The following HTR2C variants were observed in gnomAD, a reference collection of about 807,000 sequenced individuals.
The protein encoded by HTR2C is 5-hydroxytryptamine (serotonin) receptor 2C, G protein-coupled.
Under a neutral mutation model 21.0 loss-of-function variants are expected in HTR2C, and 5 were observed. The observed-to-expected ratio is 0.24, with a 90% CI of 0.12 to 0.50. HTR2C has a LOEUF of 0.50. Among genes scored for constraint, HTR2C ranks in the 20% least tolerant of loss-of-function variants. The pLI is 0.98. For synonymous variants in HTR2C, 150 were observed against 145.3 expected, an observed-to-expected ratio of 1.03 and a Z score of -0.23; for missense variants, 271 against 371.2, an observed-to-expected ratio of 0.73 and a Z score of 2.22.
In HTR2C at chrX:114,705,335, A is replaced by G. The variant is rs1465167678; in HGVS notation, c.-79-21523A>G. ...CTACAAGGCTACAGTAACCAAAACA[A>G]CATGGTACTGGCACCAAAACAGAGA... On this transcript the variant is annotated intron_variant, in intron 2 of 5. Transcript: ENST00000276198. Among the ~76,000 whole-genome samples the G allele has an allele frequency of 9.9e-5, 11 of 111,464 alleles. No individual in the cohort carries two copies. The East Asian group carries it at 1.1e-3, about 11-fold the overall frequency.
intron 2 of HTR2C, among the ~76,000 whole-genome samples, chrX:114,709,984 G>A (rs919530489): frequency 1.8e-5 from 2 of 111,512 alleles, no homozygotes; most frequent in African/African-American, 3.3e-5. Context: ...GTGACTCTTC[G>A]GGCTTTTTGC....
intron 4 of HTR2C, among the ~76,000 whole-genome samples, chrX:114,777,878 T>G (rs1301487039): frequency 8.9e-6 from 1 of 112,030 alleles, no homozygotes; most frequent in Non-Finnish European, 1.9e-5. Context: ...ATTCAGTGAC[T>G]CTGACTAATG....
chrX:114,588,312 T>G (rs782100914), intron 1 of HTR2C, among the ~76,000 whole-genome samples: 3 of 112,113 alleles, frequency 2.7e-5, no homozygotes, highest in Middle Eastern at 4.6e-3. Flanking sequence ...CTCTTTCATC[T>G]TAGTCACTGT....
intron 2 of HTR2C, among the ~76,000 whole-genome samples, chrX:114,671,088 A>G (rs1403597664): frequency 2.7e-5 from 3 of 111,986 alleles, no homozygotes; most frequent in African/African-American, 9.7e-5. Flanking sequence ...TTTAATTAAT[A>G]TATATCTAAT....
At chrX:114,722,316 G>A (rs1245216252) in intron 2 of HTR2C, among the ~76,000 whole-genome samples, 1 of 111,160 alleles carries the variant, frequency 9.0e-6, no homozygotes, top group African/African-American at 3.3e-5. Flanking sequence ...TTGGCTCTCT[G>A]TCTGTTATTG....
intron 4 of HTR2C, among the ~76,000 whole-genome samples, chrX:114,839,687 A>AAAAAC (rs368109180): frequency 0.039 from 4,240 of 108,785 alleles, 197 homozygotes; most frequent in African/African-American, 0.11. Context: ...ATCCTGTCTC[A>AAAAAC]AAAACAAAAC....
At chrX:114,661,171 T>C (rs782001576) in intron 2 of HTR2C, among the ~76,000 whole-genome samples, 50 of 111,450 alleles carry the variant, frequency 4.5e-4, no homozygotes, top group Non-Finnish European at 7.2e-4. Flanking sequence ...AGTGGAAAAG[T>C]TGGCCGGGCG....
chrX:114,862,654 C>T (rs2147502679), intron 5 of HTR2C, among the ~76,000 whole-genome samples: 2 of 110,344 alleles, frequency 1.8e-5, no homozygotes, highest in East Asian at 5.7e-4. Context: ...AATAGTTGTA[C>T]ATATTTTGTC....
intron 4 of HTR2C, among the ~76,000 whole-genome samples, chrX:114,834,226 G>A (rs1452137223): frequency 9.1e-6 from 1 of 110,482 alleles, no homozygotes; most frequent in Non-Finnish European, 1.9e-5. Context: ...TCCGCTTGAT[G>A]CAAGGCTGAG....
At chrX:114,887,873 G>A (rs1556481983) in intron 5 of HTR2C, among the ~76,000 whole-genome samples, 1 of 110,659 alleles carries the variant, frequency 9.0e-6, no homozygotes, top group Admixed American at 9.6e-5. Flanking sequence ...AATTAGCTGG[G>A]TGTACTGGCG....
intron 4 of HTR2C, among the ~76,000 whole-genome samples, chrX:114,799,262 T>C (rs192090742): frequency 9.0e-6 from 1 of 111,117 alleles, no homozygotes; most frequent in African/African-American, 3.3e-5. Flanking sequence ...GTTCAATATG[T>C]TCTCTTAAGA....
At chrX:114,836,362 C>T (rs1174104349) in intron 4 of HTR2C, among the ~76,000 whole-genome samples, 1 of 112,552 alleles carries the variant, frequency 8.9e-6, no homozygotes, top group African/African-American at 3.2e-5. Flanking sequence ...AGCGAGACTC[C>T]GTGGGCGTAG....
chrX:114,908,275 A>G lies in HTR2C; in HGVS notation c.*860A>G, dbSNP rs201857432. ...ATTTCCCAACCCAGGATTCAACATC[A>G]ATTGGGTTTTGATCTCAGCATCCTG... On this transcript the variant is annotated 3_prime_UTR_variant, in exon 6 of 6. Coordinates refer to ENST00000276198, the MANE Select transcript of HTR2C (RefSeq NM_000868.4). The G allele has an allele frequency of 8.9e-6, 1 of 112,503 alleles. No individual in the cohort carries two copies. Among genetic ancestry groups the G allele is most frequent in the Non-Finnish European group, 1.9e-5 (1 of 53,203 alleles). The allele number at this position is 112,503 out of a possible 1,213,427, so 9.3% of individuals were successfully genotyped here. A position where few individuals can be genotyped will look rare whatever the true frequency, so the allele number is the denominator to read the frequency against.
At chrX:114,706,423 T>G (rs1224714730) in intron 2 of HTR2C, among the ~76,000 whole-genome samples, 2 of 81,318 alleles carry the variant, frequency 2.5e-5, no homozygotes, top group Admixed American at 3.2e-4. Context: ...ATGGATGAAA[T>G]TGGAAATCAT....
chrX:114,901,015 T>C (rs782629937), intron 5 of HTR2C, among the ~76,000 whole-genome samples: 65 of 112,494 alleles, frequency 5.8e-4, no homozygotes, highest in Non-Finnish European at 1.1e-3. Context: ...GTAGTTTTGA[T>C]CTTTCCAGAA....
At chrX:114,773,914 T>C (rs1341301297) in intron 4 of HTR2C, among the ~76,000 whole-genome samples, 1 of 107,019 alleles carries the variant, frequency 9.3e-6, no homozygotes. Context: ...CTCCATCATC[T>C]TTAACACTTT....
At chrX:114,807,558 A>G (rs1362023413) in intron 4 of HTR2C, among the ~76,000 whole-genome samples, 1 of 107,377 alleles carries the variant, frequency 9.3e-6, no homozygotes, top group Non-Finnish European at 1.9e-5. Context: ...ATATTTTGAT[A>G]CAGACATACA....
At chrX:114,852,359 CT>C (rs2070925361) in intron 5 of HTR2C, among the ~76,000 whole-genome samples, 1 of 109,029 alleles carries the variant, frequency 9.2e-6, no homozygotes, top group African/African-American at 3.3e-5. Context: ...AGTTCCTCTT[CT>C]ATTCCGTGGT....
At chrX:114,813,386 T>A (rs1398528604) in intron 4 of HTR2C, among the ~76,000 whole-genome samples, 2 of 111,942 alleles carry the variant, frequency 1.8e-5, no homozygotes, top group African/African-American at 3.2e-5. Context: ...AGTACCAAGA[T>A]ACAGTCCAAA....
Sources: gnomAD v4.1 joint callset for allele counts (sites outside exome capture counted in the v4.1 genomes callset) on GRCh38, gnomAD v4.1.1 for gene constraint, MANE v1.5 for transcripts, NCBI Gene and HGNC (gene_info 2026-07-23, HGNC 2026-07-21) for gene names.